CCDC149: variants seen among roughly 807,000 people sequenced by gnomAD.
CCDC149 encodes the protein coiled-coil domain-containing protein 149.
In CCDC149, 45 loss-of-function variants were observed where a neutral mutation model predicts 59.9. That is an observed-to-expected ratio of 0.75 (90% confidence interval 0.59 to 0.96). CCDC149 has a LOEUF of 0.96. CCDC149 is among the 40% of genes least tolerant of loss of function. The pLI is 0.00. For missense variants in CCDC149, 584 were observed against 664.7 expected (o/e 0.88, Z 1.33); for synonymous variants, 245 against 260.6 (o/e 0.94, Z 0.58).
chr4:24,883,878 C>T (rs990726024), intron 1 of CCDC149, among the ~76,000 whole-genome samples: 1 of 152,130 alleles, frequency 6.6e-6, no homozygotes, highest in Non-Finnish European at 1.5e-5. Flanking sequence ...CCTAGAGACA[C>T]GTAACTAACA....
downstream of CCDC149, among the ~76,000 whole-genome samples, chr4:24,805,780 C>G (rs940353942): frequency 6.6e-6 from 1 of 152,144 alleles, no homozygotes; most frequent in Non-Finnish European, 1.5e-5. Context: ...CACACACACA[C>G]GTATGTGGGA....
intron 1 of CCDC149, among the ~76,000 whole-genome samples, chr4:24,897,057 C>A (rs1020114112): frequency 6.6e-6 from 1 of 152,136 alleles, no homozygotes; most frequent in Non-Finnish European, 1.5e-5. Context: ...AAGGCACAAA[C>A]ACATGTAAAT....
At chr4:24,934,213 C>T (rs1722669578) in intron 1 of CCDC149, among the ~76,000 whole-genome samples, 2 of 152,182 alleles carry the variant, frequency 1.3e-5, no homozygotes, top group Non-Finnish European at 2.9e-5. Flanking sequence ...GGGAGAGACC[C>T]AGTGGGAGGT....
intron 12 of CCDC149, among the ~76,000 whole-genome samples, chr4:24,810,381 A>G (rs1714520595): frequency 6.6e-6 from 1 of 152,222 alleles, no homozygotes; most frequent in African/African-American, 2.4e-5. Context: ...GAATTTTCAC[A>G]AAGTGAACTC....
At chr4:24,876,340 C>G (rs33939639) in intron 2 of CCDC149, among the ~76,000 whole-genome samples, 196 bp downstream of exon 2, 30,388 of 101,508 alleles carry the variant, frequency 0.3, 3,433 homozygotes, top group East Asian at 0.34. Context: ...CACACACACA[C>G]AGAGAGAGAG....
chr4:24,955,204 G>A (rs1688293488), intron 1 of CCDC149, among the ~76,000 whole-genome samples: 1 of 152,180 alleles, frequency 6.6e-6, no homozygotes, highest in African/African-American at 2.4e-5. Flanking sequence ...GGTGTCTGGT[G>A]AGGGCCTTCT....
intron 2 of CCDC149, among the ~76,000 whole-genome samples, chr4:24,874,926 T>G (rs1312727739): frequency 6.6e-6 from 1 of 152,164 alleles, no homozygotes; most frequent in South Asian, 2.1e-4. Context: ...TATAAAAACC[T>G]AGAGAAAATA....
chr4:24,968,900 T>C (rs550155449), intron 1 of CCDC149, among the ~76,000 whole-genome samples: 16 of 152,288 alleles, frequency 1.1e-4, no homozygotes, highest in African/African-American at 3.1e-4. Context: ...CTCTGGGAAA[T>C]AGGTCATCAG....
intron 1 of CCDC149, among the ~76,000 whole-genome samples, chr4:24,968,985 G>A (rs907477346): frequency 2.0e-5 from 3 of 152,222 alleles, no homozygotes; most frequent in African/African-American, 7.2e-5. Flanking sequence ...TAGATGCCCT[G>A]GTGAAGGTCC....
At chr4:24,891,193 C>A (rs59898303) in intron 1 of CCDC149, among the ~76,000 whole-genome samples, 19,427 of 152,002 alleles carry the variant, frequency 0.13, 1,467 homozygotes, top group African/African-American at 0.21. Flanking sequence ...GTTTAGAACT[C>A]AGCCCCCCCA....
At chr4:24,872,621 A>G (rs1181397628) in intron 3 of CCDC149, among the ~76,000 whole-genome samples, 1 of 151,154 alleles carries the variant, frequency 6.6e-6, no homozygotes, top group East Asian at 2.0e-4. Flanking sequence ...CACCCAGAAA[A>G]CAGTATGACC....
chr4:24,831,208 G>A (rs1716122070), intron 9 of CCDC149: 1 of 217,220 alleles, frequency 4.6e-6, no homozygotes, highest in Admixed American at 5.8e-5. Context: ...GGAGAGGTGG[G>A]TCAAGTCACC....
chr4:24,815,932 A>G (rs1577376450), intron 12 of CCDC149, among the ~76,000 whole-genome samples: 1 of 152,174 alleles, frequency 6.6e-6, no homozygotes. Flanking sequence ...CTCAGGCTGT[A>G]ATCCTACTCT....
intron 1 of CCDC149, among the ~76,000 whole-genome samples, chr4:24,970,377 G>A (rs74870948): frequency 0.026 from 3,902 of 152,248 alleles, 71 homozygotes; most frequent in Non-Finnish European, 0.034. Flanking sequence ...TGCCTGGAAC[G>A]CAATGCAGCA....
intron 1 of CCDC149, among the ~76,000 whole-genome samples, chr4:24,949,793 C>T (rs1004057575): frequency 6.6e-6 from 1 of 152,238 alleles, no homozygotes; most frequent in African/African-American, 2.4e-5. Context: ...TAATTCCCTG[C>T]GTGGGAAGGA....
At chr4:24,876,781 G>A in intron 1 of CCDC149, 84 bp from the exon 2 acceptor site, 4 of 1,379,590 alleles carry the variant, frequency 2.9e-6, no homozygotes, top group Non-Finnish European at 3.9e-6. Context: ...CACACCCTGT[G>A]GGGAATTTTT....
chr4:24,821,759 G>C (rs1715414393), intron 10 of CCDC149, among the ~76,000 whole-genome samples: 1 of 152,172 alleles, frequency 6.6e-6, no homozygotes, highest in Non-Finnish European at 1.5e-5. Flanking sequence ...TTTCTGAAGA[G>C]TAAAAAGTCA....
intron 1 of CCDC149, among the ~76,000 whole-genome samples, chr4:24,877,420 G>C (rs1719533032): frequency 6.6e-6 from 1 of 152,088 alleles, no homozygotes; most frequent in Non-Finnish European, 1.5e-5. Flanking sequence ...CTGACCTCAG[G>C]TGATCTGCCC....
upstream of CCDC149, among the ~76,000 whole-genome samples, chr4:24,917,081 G>A (rs1341600527): frequency 3.9e-5 from 6 of 152,068 alleles, no homozygotes; most frequent in Admixed American, 3.9e-4. Flanking sequence ...GGTTCTCTGG[G>A]AAGGACCTCA....
Sources: allele counts gnomAD v4.1 joint callset (sites outside exome capture counted in the v4.1 genomes callset), GRCh38; gene constraint gnomAD v4.1.1; transcripts MANE v1.5; gene names NCBI Gene and HGNC (gene_info 2026-07-23, HGNC 2026-07-21).